The following LRP6 variants were observed in gnomAD, a reference collection of about 807,000 sequenced individuals.
LRP6 encodes LDL receptor related protein 6.
LRP6 carries 43 observed loss-of-function variants against 184.1 expected under a neutral mutation model. The observed-to-expected ratio is 0.23, with a 90% CI of 0.18 to 0.30. The LOEUF is 0.30. Ranked by LOEUF, LRP6 falls within the 10% of genes least tolerant of loss-of-function variation. The pLI is 1.00. For synonymous variants in LRP6, 719 were observed against 684.9 expected (o/e 1.05, Z -0.78); for missense variants, 1,571 against 2,005.3 (o/e 0.78, Z 4.14).
chr12:12,245,515 G>A (rs552031011), intron 1 of LRP6, among the ~76,000 whole-genome samples: 6 of 152,200 alleles, frequency 3.9e-5, no homozygotes, highest in South Asian at 4.2e-4. Context: ...TGATGGTTTC[G>A]GAGGTGTAAA....
chr12:12,156,143 G>T (rs1194028173), intron 12 of LRP6, among the ~76,000 whole-genome samples: 2 of 152,148 alleles, frequency 1.3e-5, no homozygotes, highest in African/African-American at 4.8e-5. Flanking sequence ...AAAAAGTACA[G>T]ATAAGGGGCA....
At chr12:12,174,937 A>G (rs1863132777) in intron 7 of LRP6, among the ~76,000 whole-genome samples, 1 of 152,228 alleles carries the variant, frequency 6.6e-6, no homozygotes, top group African/African-American at 2.4e-5. Context: ...GTATCCTCTT[A>G]AAGTAGGGAA....
At chr12:12,263,476 G>A (rs183191916) in intron 1 of LRP6, among the ~76,000 whole-genome samples, 15 of 151,474 alleles carry the variant, frequency 9.9e-5, no homozygotes, top group African/African-American at 2.9e-4. Flanking sequence ...GCGTGAACCC[G>A]GCAGGCAGAG....
intron 2 of LRP6, among the ~76,000 whole-genome samples, chr12:12,231,238 G>A (rs975676123): frequency 2.3e-5 from 3 of 129,642 alleles, no homozygotes; most frequent in South Asian, 2.9e-4. Flanking sequence ...ATGCTATGAC[G>A]ACCCTGGATT....
chr12:12,226,964 A>G (rs1053397955), intron 2 of LRP6, among the ~76,000 whole-genome samples: 1 of 152,188 alleles, frequency 6.6e-6, no homozygotes, highest in Non-Finnish European at 1.5e-5. Context: ...AAAAGGCAAA[A>G]CAAAACCAAC....
intron 19 of LRP6, among the ~76,000 whole-genome samples, chr12:12,129,119 A>C (rs144594376): frequency 6.6e-6 from 1 of 152,336 alleles, no homozygotes; most frequent in African/African-American, 2.4e-5. Flanking sequence ...GTGTTGTGTG[A>C]CACCTTTTTA....
intron 1 of LRP6, among the ~76,000 whole-genome samples, chr12:12,264,796 T>G (rs142902048): frequency 2.0e-5 from 3 of 152,356 alleles, no homozygotes; most frequent in African/African-American, 7.2e-5. Context: ...ACAGTACTGT[T>G]ACATATTAGA....
At position 12,138,022 on chromosome 12, in the gene LRP6, T is replaced by A. The variant is rs548012926; in HGVS notation, c.3607+303A>T. ...TACTAAAAATTAAAAAAAAAAAAAATTAGCGAGGCATGGTGGCATGCACCT... is the reference window on the plus strand; with the variant it reads ...TACTAAAAATTAAAAAAAAAAAAAAATAGCGAGGCATGGTGGCATGCACCT... On this transcript the variant is annotated intron_variant, in intron 16 of 22. Transcript: ENST00000261349. Among the ~76,000 whole-genome samples the A allele has an allele frequency of 3.5e-3, 524 of 150,774 alleles. 8 individuals are homozygous for A. The highest frequency in any genetic ancestry group is 0.015 in the South Asian group (70 of 4,754).
rs551880430 is a variant in LRP6, at chr12:12,235,599, G to A, written c.449+8663C>T. 1.6e-4 allele frequency among the ~76,000 whole-genome samples: 24 copies of A among 152,000 alleles called. 1 individual carries two copies. In the South Asian group the frequency reaches 2.9e-3, roughly 18 times the overall value. On this transcript the variant is annotated intron_variant, in intron 2 of 22. Transcript: ENST00000261349. ...AACAAAATTAGCCAGGCATAGTGGC[G>A]CATGCCTGTAATCCCAGCTACTCGG...
In LRP6 at chr12:12,186,064, T is replaced by A. The variant is rs182088116; in HGVS notation, c.844+859A>T. 1.8e-4 allele frequency among the ~76,000 whole-genome samples: 27 copies of A among 152,050 alleles called. No individual in the cohort carries two copies. The East Asian group carries it at 5.0e-3, about 28-fold the overall frequency. ...GGTTTCACCATGTTGGCCAGGCTGGTCTCAAACTCCTGACCTCAAGTGATC... is the reference window on the plus strand; with the variant it reads ...GGTTTCACCATGTTGGCCAGGCTGGACTCAAACTCCTGACCTCAAGTGATC... On this transcript the variant is annotated intron_variant, in intron 4 of 22. Coordinates refer to ENST00000261349, the MANE Select transcript of LRP6 (RefSeq NM_002336.3).
At chr12:12,261,870 G>A (rs1865624602) in intron 1 of LRP6, among the ~76,000 whole-genome samples, 1 of 152,246 alleles carries the variant, frequency 6.6e-6, no homozygotes, top group East Asian at 1.9e-4. Flanking sequence ...AACATTAGTG[G>A]TTTGTTCCAA....
Position 12,150,854 on chromosome 12 carries a change from T to A in LRP6, c.2976A>T (p.Ala992=), listed in dbSNP as rs958567365. 1.9e-6 allele frequency: 3 copies of A among 1,613,788 alleles called. No homozygotes were observed. The African/African-American group carries it at 4.0e-5, about 22-fold the overall frequency. Residue 992 remains alanine (A), a synonymous_variant, in exon 13 of 23, where the codon GCA becomes GCT. Coordinates refer to ENST00000261349, the MANE Select transcript of LRP6 (RefSeq NM_002336.3). ...IDSRQNMIRK[A]QEDGSQGFTV... is the part of the protein sequence containing the mutation. ...CAATTACCTGGCTGCCATCTTCTTGTGCCTTTCGGATCATGTTTTGTCGTG... is the reference window on the plus strand; with the variant it reads ...CAATTACCTGGCTGCCATCTTCTTGAGCCTTTCGGATCATGTTTTGTCGTG...
intron 2 of LRP6, among the ~76,000 whole-genome samples, chr12:12,222,400 T>C (rs2135873121): frequency 6.6e-6 from 1 of 151,910 alleles, no homozygotes; most frequent in East Asian, 1.9e-4. Context: ...ACCTCATCTC[T>C]ACTAAAAATA....
chr12:12,198,892 T>C (rs1045329838), intron 3 of LRP6, among the ~76,000 whole-genome samples: 25 of 152,178 alleles, frequency 1.6e-4, no homozygotes, highest in African/African-American at 5.8e-4. Flanking sequence ...TTTTGACTCA[T>C]TTATTTATTT....
At chr12:12,212,082 T>A (rs985390424) in intron 2 of LRP6, among the ~76,000 whole-genome samples, 1 of 152,222 alleles carries the variant, frequency 6.6e-6, no homozygotes, top group Non-Finnish European at 1.5e-5. Context: ...TACATCTCTG[T>A]ACATTTCAAA....
intron 3 of LRP6, among the ~76,000 whole-genome samples, chr12:12,196,985 TC>T (rs1863779112): frequency 6.6e-6 from 1 of 152,212 alleles, no homozygotes; most frequent in Admixed American, 6.5e-5. Context: ...GAAATAGCTC[TC>T]CCATATCTAC....
rs1033651783 is a variant in LRP6, at chr12:12,256,760, T to C, written c.55+9921A>G. Among the ~76,000 whole-genome samples, 4 of 152,088 alleles carry C rather than the reference T, an allele frequency of 2.6e-5. No homozygotes were observed. In the South Asian group the frequency reaches 6.2e-4, roughly 24 times the overall value. Reference sequence around the variant, plus strand: ...GGCAGAGGTTGCAGTGAGCAGAGATTGTGCCACTGCACTCCTCCTTGGGTG... The same window carrying C: ...GGCAGAGGTTGCAGTGAGCAGAGATCGTGCCACTGCACTCCTCCTTGGGTG... On this transcript the variant is annotated intron_variant, in intron 1 of 22. Transcript: ENST00000261349.
intron 15 of LRP6, among the ~76,000 whole-genome samples, chr12:12,141,434 C>G (rs1341582824): frequency 6.6e-6 from 1 of 152,042 alleles, no homozygotes; most frequent in Non-Finnish European, 1.5e-5. Flanking sequence ...AGCTATAAAA[C>G]ATGAAAGCAA....
intron 2 of LRP6, among the ~76,000 whole-genome samples, chr12:12,243,345 T>C (rs1190842407): frequency 2.0e-5 from 3 of 149,498 alleles, no homozygotes; most frequent in Non-Finnish European, 4.4e-5. Context: ...AAATGAGTTA[T>C]TTAATAATTT....
Sources: gnomAD v4.1 joint callset for allele counts (sites outside exome capture counted in the v4.1 genomes callset) on GRCh38, gnomAD v4.1.1 for gene constraint, MANE v1.5 for transcripts, NCBI Gene and HGNC (gene_info 2026-07-23, HGNC 2026-07-21) for gene names.